The following SLC2A9 variants were observed in gnomAD, a reference collection of about 807,000 sequenced individuals.
The protein encoded by SLC2A9 is solute carrier family 2, facilitated glucose transporter member 9.
SLC2A9 carries 39 observed loss-of-function variants against 50.6 expected under a neutral mutation model. The observed-to-expected ratio is 0.77, with a 90% CI of 0.60 to 1.01. The LOEUF is 1.01. SLC2A9 is among the 50% of genes least tolerant of loss of function. The pLI, the probability that SLC2A9 is intolerant of heterozygous loss-of-function variation, is 0.00. For synonymous variants in SLC2A9, 324 were observed against 276.9 expected (o/e 1.17, Z -1.69); for missense variants, 686 against 677.6 (o/e 1.01, Z -0.14).
chr4:9,891,077 T>C (rs1371534849), intron 8 of SLC2A9, among the ~76,000 whole-genome samples: 1 of 152,166 alleles, frequency 6.6e-6, no homozygotes, highest in Non-Finnish European at 1.5e-5. Flanking sequence ...GACTCCTCTG[T>C]GTCTCCATGT....
intron 10 of SLC2A9, among the ~76,000 whole-genome samples, chr4:9,848,478 A>T (rs1247609698): frequency 2.0e-5 from 3 of 151,982 alleles, no homozygotes; most frequent in Non-Finnish European, 1.5e-5. Context: ...TCACAGCCTC[A>T]TGTTTATTTA....
chr4:9,803,121 T>C (rs1009829193), intron 3 of SLC2A9, among the ~76,000 whole-genome samples: 1 of 152,230 alleles, frequency 6.6e-6, no homozygotes, highest in African/African-American at 2.4e-5. Flanking sequence ...CTATTTGTCC[T>C]TGGCAAACCA....
At chr4:10,026,037 G>A, upstream of SLC2A9, 1 of 1,518,436 alleles carries the variant, frequency 6.6e-7, no homozygotes, top group Non-Finnish European at 9.1e-7. Context: ...GAAGCCATTA[G>A]ACAGCTGCTT....
At chr4:9,960,123 G>T (rs1251999808) in intron 5 of SLC2A9, among the ~76,000 whole-genome samples, 1 of 152,178 alleles carries the variant, frequency 6.6e-6, no homozygotes, top group African/African-American at 2.4e-5. Flanking sequence ...GAGCCTTATT[G>T]TTCCAAATAT....
intron 7 of SLC2A9, among the ~76,000 whole-genome samples, chr4:9,911,559 G>A (rs561392302): frequency 1.1e-4 from 16 of 152,280 alleles, no homozygotes; most frequent in Non-Finnish European, 8.8e-5. Context: ...CTCTGTTCTC[G>A]CAGGTTGCCC....
rs572048979 is a variant in SLC2A9, at chr4:10,011,957, G to A, written c.249+7018C>T. Among the ~76,000 whole-genome samples the A allele has an allele frequency of 2.0e-5, 3 of 152,254 alleles. No homozygotes were observed. In the South Asian group the frequency reaches 6.2e-4, roughly 32 times the overall value. On this transcript the variant is annotated intron_variant, in intron 2 of 11. Coordinates refer to ENST00000264784, the MANE Select transcript of SLC2A9 (RefSeq NM_020041.3). ...CCTTTTCTAAAACCTCTAGCACAGG[G>A]GTTAGCCAACAATTGGCCAGCAAGG... is the stretch of plus-strand genomic sequence containing the variant.
At chr4:9,941,049 A>C (rs890328043) in intron 6 of SLC2A9, among the ~76,000 whole-genome samples, 2 of 152,242 alleles carry the variant, frequency 1.3e-5, no homozygotes, top group African/African-American at 4.8e-5. Context: ...AAAGGTTTAA[A>C]AAATTGCTCA....
chr4:9,822,411 C>T (rs994525449), downstream of SLC2A9, among the ~76,000 whole-genome samples: 4 of 152,134 alleles, frequency 2.6e-5, no homozygotes, highest in African/African-American at 9.7e-5. Context: ...AGCTTTCTAG[C>T]TCAATTGACC....
chr4:9,774,670 G>A (rs1717302210), intron 1 of SLC2A9, among the ~76,000 whole-genome samples: 1 of 152,130 alleles, frequency 6.6e-6, no homozygotes. Context: ...TGGTATGCCT[G>A]AATTTTGAGG....
intron 10 of SLC2A9, among the ~76,000 whole-genome samples, chr4:9,857,062 C>A (rs1395286062): frequency 6.6e-6 from 1 of 152,048 alleles, no homozygotes; most frequent in African/African-American, 2.4e-5. Flanking sequence ...CTGTAACATG[C>A]AATTTACCTA....
chr4:9,868,782 G>A (rs1369819534), intron 10 of SLC2A9, among the ~76,000 whole-genome samples: 1 of 152,154 alleles, frequency 6.6e-6, no homozygotes, highest in East Asian at 1.9e-4. Context: ...GAAGATTTTG[G>A]AACATAATGT....
At chr4:10,028,321 C>T (rs1763820317) in intron 1 of SLC2A9, among the ~76,000 whole-genome samples, 2 of 152,218 alleles carry the variant, frequency 1.3e-5, no homozygotes, top group Non-Finnish European at 2.9e-5. Flanking sequence ...CACTCGAGGT[C>T]CCCTCAGAAT....
At chr4:9,855,172 C>T (rs9996229) in intron 10 of SLC2A9, among the ~76,000 whole-genome samples, 24,225 of 152,184 alleles carry the variant, frequency 0.16, 2,639 homozygotes, top group African/African-American at 0.3. Flanking sequence ...GTCAAACTAT[C>T]TCTGTTTGCA....
intron 3 of SLC2A9, among the ~76,000 whole-genome samples, chr4:9,809,917 C>A (rs561972859): frequency 6.6e-6 from 1 of 150,588 alleles, no homozygotes; most frequent in African/African-American, 2.4e-5. Flanking sequence ...CAGATGCATG[C>A]AAAAATCATT....
chr4:9,874,090 G>A (rs1469448333), intron 10 of SLC2A9, among the ~76,000 whole-genome samples: 1 of 152,044 alleles, frequency 6.6e-6, no homozygotes, highest in African/African-American at 2.4e-5. Context: ...GATGTCCCCT[G>A]AGGCCCTTTT....
At chr4:9,897,659 G>T (rs942152717) in intron 8 of SLC2A9, among the ~76,000 whole-genome samples, 4 of 152,084 alleles carry the variant, frequency 2.6e-5, no homozygotes, top group Middle Eastern at 3.2e-3. Flanking sequence ...GGCCAAAATG[G>T]GTGGATTACT....
At position 9,921,300 on chromosome 4, in the gene SLC2A9, A is replaced by ATT. The variant is rs573567024; in HGVS notation, c.815-730_815-729dup. ...AACTTCCAGCCTCAGAGAACCCATC[A>ATT]TTTTTTTTTTAAATGAAGACCTTAA... On this transcript the variant is annotated intron_variant, in intron 6 of 11. Transcript: ENST00000264784. 5.5e-3 allele frequency among the ~76,000 whole-genome samples: 822 copies of ATT among 150,362 alleles called. 10 individuals carry two copies. The highest frequency in any genetic ancestry group is 0.019 in the African/African-American group (791 of 41,046).
At chr4:10,038,966 C>T (rs1764194376) in intron 1 of SLC2A9, among the ~76,000 whole-genome samples, 1 of 152,162 alleles carries the variant, frequency 6.6e-6, no homozygotes. Flanking sequence ...CTGTTGCTCT[C>T]ACAACTCTGC....
chr4:9,953,897 C>A (rs1396487048), intron 5 of SLC2A9, among the ~76,000 whole-genome samples: 2 of 152,218 alleles, frequency 1.3e-5, no homozygotes, highest in African/African-American at 4.8e-5. Context: ...ACAACCTCCA[C>A]CTCCTGGGCT....
Sources: gnomAD v4.1 joint callset for allele counts (sites outside exome capture counted in the v4.1 genomes callset) on GRCh38, gnomAD v4.1.1 for gene constraint, MANE v1.5 for transcripts, NCBI Gene and HGNC (gene_info 2026-07-23, HGNC 2026-07-21) for gene names.